ATXN1: variants seen among roughly 807,000 people sequenced by gnomAD.
ATXN1 encodes the protein ataxin-1.
ATXN1 carries 8 observed loss-of-function variants against 56.4 expected under a neutral mutation model. The observed-to-expected ratio is 0.14, with a 90% confidence interval of 0.08 to 0.26. The LOEUF (loss-of-function observed/expected upper bound fraction) is 0.26, where lower values mean the gene tolerates loss of function less well. Among genes scored for constraint, ATXN1 ranks in the 10% least tolerant of loss-of-function variants. ATXN1 has a pLI of 1.00. For missense variants in ATXN1, 987 were observed against 1,106.5 expected, an observed-to-expected ratio of 0.89 and a Z score of 1.53; for synonymous variants, 514 against 494.6, an observed-to-expected ratio of 1.04 and a Z score of -0.52.
intron 2 of ATXN1, among the ~76,000 whole-genome samples, chr6:16,741,719 C>A (rs557609768): frequency 6.6e-6 from 1 of 152,072 alleles, no homozygotes; most frequent in Non-Finnish European, 1.5e-5. Context: ...CTGGTGAGAC[C>A]CACATTTCAA....
At chr6:16,728,663 T>G (rs1018302854) in intron 2 of ATXN1, among the ~76,000 whole-genome samples, 2 of 152,194 alleles carry the variant, frequency 1.3e-5, no homozygotes, top group African/African-American at 4.8e-5. Flanking sequence ...GTATATTGAT[T>G]TTCTTAGTCC....
At chr6:16,690,861 G>A (rs1368680781) in intron 2 of ATXN1, among the ~76,000 whole-genome samples, 1 of 152,122 alleles carries the variant, frequency 6.6e-6, no homozygotes, top group African/African-American at 2.4e-5. Flanking sequence ...CATAAAGCAC[G>A]ATGATGCTGT....
At chr6:16,720,078 G>T (rs971924730) in intron 2 of ATXN1, among the ~76,000 whole-genome samples, 5 of 152,006 alleles carry the variant, frequency 3.3e-5, no homozygotes, top group Non-Finnish European at 7.4e-5. Flanking sequence ...CAATTCAAAG[G>T]CTCCTTCTGG....
At position 16,327,724 on chromosome 6, in the gene ATXN1, T is replaced by TGCTGCTGCTGCTGCTGCTGCTGCTG; in HGVS notation, c.586_587insCAGCAGCAGCAGCAGCAGCAGCAGC (p.Glu196AlafsTer123). 6.2e-7 allele frequency: 1 copy of TGCTGCTGCTGCTGCTGCTGCTGCTG among 1,606,728 alleles called. No homozygotes were observed. Among genetic ancestry groups the TGCTGCTGCTGCTGCTGCTGCTGCTG allele is most frequent in the Non-Finnish European group, 8.5e-7 (1 of 1,179,648 alleles). On this transcript the variant is annotated frameshift_variant, in exon 7 of 8. Transcript: ENST00000436367. LOFTEE classifies it high-confidence loss of function. Reference sequence around the variant, plus strand: ...CTGCTGCTGCTGCTGCTGCTGCTGCTCAGCCTTGTGTCCCGGCGTCTGGCT... The same window carrying TGCTGCTGCTGCTGCTGCTGCTGCTG: ...CTGCTGCTGCTGCTGCTGCTGCTGCTGCTGCTGCTGCTGCTGCTGCTGCTGCAGCCTTGTGTCCCGGCGTCTGGCT...
chr6:16,449,997 TAC>T (rs1346377504), intron 6 of ATXN1, among the ~76,000 whole-genome samples: 2 of 152,252 alleles, frequency 1.3e-5, no homozygotes, highest in Non-Finnish European at 2.9e-5. Flanking sequence ...AAGTCAGCAT[TAC>T]ACGCTGAAAT....
At chr6:16,368,972 T>C (rs1043890377) in intron 6 of ATXN1, among the ~76,000 whole-genome samples, 6 of 152,222 alleles carry the variant, frequency 3.9e-5, no homozygotes, top group African/African-American at 1.4e-4. Flanking sequence ...TGGATGCTTT[T>C]ACAGAATAAT....
intron 6 of ATXN1, chr6:16,485,136 C>G (rs1287675044): frequency 6.6e-6 from 1 of 152,156 alleles, no homozygotes; most frequent in Non-Finnish European, 1.5e-5. Context: ...TTCTCGTCCT[C>G]AGAGGTATTC....
intron 3 of ATXN1, among the ~76,000 whole-genome samples, chr6:16,590,903 C>T (rs1441797415): frequency 6.6e-6 from 1 of 151,006 alleles, no homozygotes; most frequent in Admixed American, 6.6e-5. Flanking sequence ...AGTGCAATGG[C>T]GCAATCTCCA....
At chr6:16,491,293 T>A (rs1390632742) in intron 5 of ATXN1, among the ~76,000 whole-genome samples, 7 of 142,852 alleles carry the variant, frequency 4.9e-5, no homozygotes, top group Admixed American at 2.8e-4. Flanking sequence ...TTTTTTTTTT[T>A]TTTTTTTTGA....
At chr6:16,344,869 CT>C (rs1295595298) in intron 6 of ATXN1, among the ~76,000 whole-genome samples, 3 of 152,220 alleles carry the variant, frequency 2.0e-5, no homozygotes, top group African/African-American at 7.2e-5. Context: ...CCCCTAACTG[CT>C]ACTTCCTTAG....
At position 16,302,594 on chromosome 6, in the gene ATXN1, C is replaced by G. The variant is rs1760136496; in HGVS notation, c.*3735G>C. 1.3e-5 allele frequency: 2 copies of G among 152,574 alleles called. No individual in the cohort carries two copies. The highest frequency in any genetic ancestry group is 2.9e-5 in the Non-Finnish European group (2 of 68,030). The allele number at this position is 152,574 out of a possible 1,614,324, so 9.5% of individuals were successfully genotyped here. A position where few individuals can be genotyped will look rare whatever the true frequency, so the allele number is the denominator to read the frequency against. On this transcript the variant is annotated 3_prime_UTR_variant, in exon 8 of 8. Coordinates refer to ENST00000436367, the MANE Select transcript of ATXN1 (RefSeq NM_001128164.2). ...TGAAATAATTCTTAAGTTAAACATT[C>G]TAAGGAACAGTCATTTTATATATTT... is the stretch of plus-strand genomic sequence containing the variant.
At chr6:16,584,230 A>ATATATATATATATG (rs1762578066) in intron 4 of ATXN1, among the ~76,000 whole-genome samples, 1 of 126,262 alleles carries the variant, frequency 7.9e-6, no homozygotes, top group Non-Finnish European at 1.7e-5. Context: ...GGACATATAT[A>ATATATATATATATG]TATATATATA....
chr6:16,583,495 T>C (rs1432207148), intron 4 of ATXN1, among the ~76,000 whole-genome samples: 2 of 152,222 alleles, frequency 1.3e-5, no homozygotes, highest in Non-Finnish European at 2.9e-5. Flanking sequence ...TTCATCTACC[T>C]TCTCTTTCAT....
intron 6 of ATXN1, among the ~76,000 whole-genome samples, chr6:16,431,932 G>A (rs1210672112): frequency 4.6e-5 from 7 of 152,144 alleles, no homozygotes; most frequent in Non-Finnish European, 1.5e-5. Context: ...ATGAGAGATC[G>A]CGGGGGAGCC....
intron 4 of ATXN1, among the ~76,000 whole-genome samples, chr6:16,550,757 A>G (rs1254672762): frequency 2.0e-5 from 3 of 152,256 alleles, no homozygotes; most frequent in Non-Finnish European, 4.4e-5. Context: ...AGTATGACAC[A>G]GTCTGTATTA....
intron 6 of ATXN1, among the ~76,000 whole-genome samples, chr6:16,435,383 A>G (rs1759368479): frequency 6.6e-6 from 1 of 152,100 alleles, no homozygotes; most frequent in Non-Finnish European, 1.5e-5. Context: ...AAAGTGGTCT[A>G]GAGACTAAGC....
At chr6:16,631,067 C>T (rs1763495462) in intron 3 of ATXN1, among the ~76,000 whole-genome samples, 1 of 152,142 alleles carries the variant, frequency 6.6e-6, no homozygotes, top group Admixed American at 6.5e-5. Flanking sequence ...ACTAATAAGA[C>T]ACTCGTGTGT....
intron 3 of ATXN1, among the ~76,000 whole-genome samples, chr6:16,614,581 C>T (rs547602068): frequency 1.1e-4 from 16 of 151,536 alleles, no homozygotes; most frequent in Admixed American, 8.5e-4. Context: ...AGATATCTAC[C>T]ACAAACCAGT....
At chr6:16,402,103 C>A (rs983668339) in intron 6 of ATXN1, among the ~76,000 whole-genome samples, 1 of 151,994 alleles carries the variant, frequency 6.6e-6, no homozygotes, top group Non-Finnish European at 1.5e-5. Context: ...ACCTGCCCCC[C>A]ATGATTCAAT....
Sources: allele counts gnomAD v4.1 joint callset (sites outside exome capture counted in the v4.1 genomes callset), GRCh38; gene constraint gnomAD v4.1.1; transcripts MANE v1.5; gene names NCBI Gene and HGNC (gene_info 2026-07-23, HGNC 2026-07-21).